Variants in DSCAM observed in about 807,000 individuals in gnomAD.
The protein encoded by DSCAM is DS cell adhesion molecule.
Under a neutral mutation model 217.7 loss-of-function variants are expected in DSCAM, and 47 were observed. That is an observed-to-expected ratio of 0.22 (90% CI 0.17 to 0.28). DSCAM has a LOEUF of 0.28. Ranked by LOEUF, DSCAM falls within the 10% of genes least tolerant of loss-of-function variation. The pLI is 1.00. For synonymous variants in DSCAM, 1,056 were observed against 1,015.3 expected (o/e 1.04, Z -0.76); for missense variants, 2,080 against 2,618.3 (o/e 0.79, Z 4.49).
intron 1 of DSCAM, among the ~76,000 whole-genome samples, chr21:40,775,015 T>A (rs1202460236): frequency 6.6e-6 from 1 of 151,886 alleles, no homozygotes; most frequent in Non-Finnish European, 1.5e-5. Context: ...ATTTTGCTCA[T>A]TTTCAAACCC....
At chr21:40,339,692 T>C (rs974166384) in intron 6 of DSCAM, among the ~76,000 whole-genome samples, 2 of 46,716 alleles carry the variant, frequency 4.3e-5, no homozygotes, top group African/African-American at 1.1e-4. Flanking sequence ...GGTTAAACAA[T>C]GACAGCTCCT....
chr21:40,611,395 G>A (rs542282058), intron 3 of DSCAM, among the ~76,000 whole-genome samples: 19 of 152,060 alleles, frequency 1.2e-4, no homozygotes, highest in East Asian at 1.9e-4. Context: ...GTAACACAGC[G>A]TATCAAAACT....
At chr21:40,727,527 T>G (rs2146518766) in intron 1 of DSCAM, among the ~76,000 whole-genome samples, 1 of 152,306 alleles carries the variant, frequency 6.6e-6, no homozygotes, top group East Asian at 1.9e-4. Flanking sequence ...TAGAGGTCCC[T>G]GTTTTCCTCA....
intron 3 of DSCAM, among the ~76,000 whole-genome samples, chr21:40,471,257 T>C (rs2075885862): frequency 6.6e-6 from 1 of 152,162 alleles, no homozygotes; most frequent in South Asian, 2.1e-4. Flanking sequence ...GTCAGAGAAA[T>C]ATGCTTATGT....
intron 10 of DSCAM, among the ~76,000 whole-genome samples, chr21:40,281,474 A>G (rs1601514254): frequency 6.6e-6 from 1 of 152,214 alleles, no homozygotes; most frequent in Admixed American, 6.5e-5. Flanking sequence ...AAATATATAT[A>G]TATAGCGGTA....
chr21:40,546,649 T>G (rs1051438061), intron 3 of DSCAM, among the ~76,000 whole-genome samples: 1 of 152,216 alleles, frequency 6.6e-6, no homozygotes, highest in Non-Finnish European at 1.5e-5. Flanking sequence ...GTTTGTCAGT[T>G]TTTTTATATT....
chr21:40,684,587 G>A (rs1233230447), intron 3 of DSCAM, among the ~76,000 whole-genome samples: 3 of 152,178 alleles, frequency 2.0e-5, no homozygotes, highest in African/African-American at 7.2e-5. Context: ...ATCTCTGCTC[G>A]ACAATACCTT....
At chr21:40,356,388 G>GATAT (rs60717299) in intron 4 of DSCAM, among the ~76,000 whole-genome samples, 10,696 of 146,980 alleles carry the variant, frequency 0.073, 371 homozygotes, top group African/African-American at 0.083. Context: ...GCTTGATAGT[G>GATAT]ATATATATAT....
At chr21:40,608,140 A>G (rs1324147954) in intron 3 of DSCAM, among the ~76,000 whole-genome samples, 1 of 152,190 alleles carries the variant, frequency 6.6e-6, no homozygotes, top group Non-Finnish European at 1.5e-5. Flanking sequence ...AAATATACAT[A>G]ATCCTCATGA....
rs1173932352 is a variant in DSCAM at position 40,124,303 on chromosome 21, C to T, written c.3588G>A (p.Lys1196=). 1.9e-6 allele frequency: 3 copies of T among 1,613,860 alleles called. No homozygotes were observed. Among genetic ancestry groups the T allele is most frequent in the Non-Finnish European group, 2.5e-6 (3 of 1,180,030 alleles). The change falls in exon 20 of 33, where the codon AAG becomes AAA. Residue 1196 remains lysine (K), a synonymous_variant. Coordinates refer to ENST00000400454, the MANE Select transcript of DSCAM (RefSeq NM_001389.5). ...EDVPGPPAGV[K]AAAASASMVF... is the part of the protein sequence containing the mutation. ...CCATGGAGGCTGAGGCCGCCGCTGC[C>T]TTCACACCCGCGGGAGGACCTGGAA...
At chr21:40,378,551 CTTAT>C (rs2074986474) in intron 3 of DSCAM, among the ~76,000 whole-genome samples, 1 of 101,406 alleles carries the variant, frequency 9.9e-6, no homozygotes, top group East Asian at 2.9e-4. Context: ...ACAATGAAAA[CTTAT>C]TTTTTTTTTT....
At chr21:40,033,417 G>A (rs1382580437) in intron 32 of DSCAM, among the ~76,000 whole-genome samples, 2 of 152,174 alleles carry the variant, frequency 1.3e-5, no homozygotes, top group Admixed American at 6.5e-5. Context: ...GGTGACGGAC[G>A]GCACCTGGAA....
At chr21:40,682,071 T>A (rs77359915) in intron 3 of DSCAM, among the ~76,000 whole-genome samples, 1 of 148,520 alleles carries the variant, frequency 6.7e-6, no homozygotes, top group African/African-American at 2.5e-5. Flanking sequence ...GTTCATGGTA[T>A]TTTTTTTTTG....
intron 3 of DSCAM, among the ~76,000 whole-genome samples, chr21:40,431,855 G>C (rs758168742): frequency 6.6e-6 from 1 of 152,132 alleles, no homozygotes; most frequent in African/African-American, 2.4e-5. Context: ...TATTGTAATG[G>C]ATTGCCACCA....
intron 1 of DSCAM, among the ~76,000 whole-genome samples, chr21:40,709,745 G>A (rs1197694785): frequency 6.6e-6 from 1 of 152,166 alleles, no homozygotes; most frequent in Admixed American, 6.5e-5. Flanking sequence ...ATCATTGATG[G>A]GCATTTGGGT....
intron 20 of DSCAM, among the ~76,000 whole-genome samples, chr21:40,109,036 GC>G (rs2089860187): frequency 1.3e-5 from 2 of 152,100 alleles, no homozygotes; most frequent in Admixed American, 6.6e-5. Flanking sequence ...AAAACCTAAA[GC>G]TAAAAACACT....
intron 3 of DSCAM, among the ~76,000 whole-genome samples, chr21:40,527,417 C>T (rs942031239): frequency 6.6e-6 from 1 of 152,188 alleles, no homozygotes; most frequent in Non-Finnish European, 1.5e-5. Context: ...TGCACACTCT[C>T]TCTCTGAAAC....
chr21:40,700,228 G>T (rs1460048389), intron 2 of DSCAM, among the ~76,000 whole-genome samples: 2 of 152,224 alleles, frequency 1.3e-5, no homozygotes, highest in African/African-American at 4.8e-5. Flanking sequence ...CCTCCAGGAC[G>T]ATGTAGAATA....
Position 40,708,726 on chromosome 21 carries a change from G to A in DSCAM, c.89C>T (p.Ser30Phe). ...LHSSLYFVNA[S>F]LQEVVFASTT... is the part of the protein sequence containing the mutation. ...GCTGGCAAACACTACCTCTTGCAGA[G>A]ATGCATTGACAAAGTAGAGGCTGGA... Residue 30 changes from serine (S) to phenylalanine (F), a missense_variant, in exon 2 of 33, where the codon TCT (serine) becomes TTT (phenylalanine). Ser to Phe is a radical substitution (Grantham distance 155). Transcript: ENST00000400454. 3 of 1,605,156 alleles carry A rather than the reference G, an allele frequency of 1.9e-6. No homozygotes were observed. Among genetic ancestry groups the A allele is most frequent in the South Asian group, 2.3e-5 (2 of 88,658 alleles).
Sources: allele counts gnomAD v4.1 joint callset (sites outside exome capture counted in the v4.1 genomes callset), GRCh38; gene constraint gnomAD v4.1.1; transcripts MANE v1.5; gene names NCBI Gene and HGNC (gene_info 2026-07-23, HGNC 2026-07-21).